Variants in INSR observed in about 807,000 individuals in gnomAD.
The protein encoded by INSR is IR.
INSR carries 67 observed loss-of-function variants against 142.6 expected under a neutral mutation model. The ratio of observed to expected loss-of-function variants is 0.47; its 90% confidence interval spans 0.39 to 0.58. INSR has a LOEUF of 0.58. Among genes scored for constraint, INSR ranks in the 20% least tolerant of loss-of-function variants. The pLI is 0.00. For missense variants in INSR, 1,248 were observed against 1,833.2 expected (o/e 0.68, Z 5.83); for synonymous variants, 756 against 743.1 (o/e 1.02, Z -0.28).
chr19:7,256,421 C>A (rs968945155), intron 2 of INSR, among the ~76,000 whole-genome samples: 18 of 152,004 alleles, frequency 1.2e-4, no homozygotes, highest in Non-Finnish European at 2.9e-5. Context: ...TGCACTTCAG[C>A]CTGGGCAACA....
intron 2 of INSR, among the ~76,000 whole-genome samples, chr19:7,228,059 C>T (rs1975844913): frequency 6.6e-6 from 1 of 152,118 alleles, no homozygotes; most frequent in African/African-American, 2.4e-5. Flanking sequence ...CCAGAGGGCC[C>T]CCATGGGTCC....
intron 1 of INSR, among the ~76,000 whole-genome samples, chr19:7,268,201 C>T (rs1014096944): frequency 2.0e-5 from 3 of 152,024 alleles, no homozygotes; most frequent in African/African-American, 7.2e-5. Context: ...TTGAGTAACG[C>T]GGCAGGTGCA....
In INSR at chr19:7,239,439, G is replaced by C. The variant is rs551278625; in HGVS notation, c.652+27906C>G. Reference sequence around the variant, plus strand: ...ATAGGATACCAATTTCCATGCACTGGAATTAACATAATTTTCCTGCAGCCT... The same window carrying C: ...ATAGGATACCAATTTCCATGCACTGCAATTAACATAATTTTCCTGCAGCCT... On this transcript the variant is annotated intron_variant, in intron 2 of 21. Coordinates refer to ENST00000302850, the MANE Select transcript of INSR (RefSeq NM_000208.4). Among the ~76,000 whole-genome samples the C allele has an allele frequency of 9.9e-5, 15 of 152,194 alleles. No individual in the cohort carries two copies. The South Asian group carries it at 1.0e-3, about 11-fold the overall frequency.
At chr19:7,172,507 G>T in intron 4 of INSR, 73 bp from the exon 5 acceptor site, 1 of 1,518,108 alleles carries the variant, frequency 6.6e-7, no homozygotes, top group Non-Finnish European at 9.1e-7. Context: ...TCCATGGTGA[G>T]AAGATAACCC....
chr19:7,168,226 C>T lies in INSR; in HGVS notation c.1484-132G>A, dbSNP rs1973932321. On this transcript the variant is annotated intron_variant, in intron 6 of 21. Transcript: ENST00000302850. The surrounding 1 kb of genome is among the most constrained non-coding windows in gnomAD (Gnocchi z 4.3). The stretch of plus-strand genomic sequence containing the variant: ...ACGCTGCTATTCCCTTAAGGGTCTC[C>T]TCCCCATGTGCCTGGCTGAGTATGA... 2.2e-6 allele frequency: 2 copies of T among 916,000 alleles called. No individual in the cohort carries two copies. Among genetic ancestry groups the T allele is most frequent in the African/African-American group, 1.7e-5 (1 of 60,446 alleles). The allele number at this position is 916,000 out of a possible 1,614,324, so 56.7% of individuals were successfully genotyped here.
In INSR at chr19:7,125,523, A is replaced by G. The variant is rs775023698; in HGVS notation, c.3018T>C (p.Phe1006=). 5 of 1,613,318 alleles carry G rather than the reference A, an allele frequency of 3.1e-6. No homozygotes were observed. The highest frequency in any genetic ancestry group is 4.2e-6 in the Non-Finnish European group (5 of 1,179,940). ...NPEYLSASDV[F]PCSVYVPDEW... The stretch of plus-strand genomic sequence containing the variant: ...CGTCCGGCACGTACACAGAGCATGG[A>G]AACACTACTTCTTACTTATCTACAC... Residue 1006 remains phenylalanine, a synonymous_variant, in exon 17 of 22, where the codon TTT becomes TTC. Coordinates refer to ENST00000302850, the MANE Select transcript of INSR (RefSeq NM_000208.4). The surrounding 1 kb of genome is among the most constrained non-coding windows in gnomAD (Gnocchi z 4.9).
chr19:7,149,839 G>A (rs1484964374), intron 11 of INSR, among the ~76,000 whole-genome samples: 1 of 150,832 alleles, frequency 6.6e-6, no homozygotes. Context: ...AAAGAAGAAG[G>A]AAAGAAGGAA....
At chr19:7,219,284 T>A (rs1157609819) in intron 2 of INSR, among the ~76,000 whole-genome samples, 1 of 152,118 alleles carries the variant, frequency 6.6e-6, no homozygotes, top group Non-Finnish European at 1.5e-5. Flanking sequence ...CACTGGCCTC[T>A]GAAGCTCCGG....
At chr19:7,181,944 A>C (rs543300910) in intron 3 of INSR, among the ~76,000 whole-genome samples, 80 of 152,222 alleles carry the variant, frequency 5.3e-4, no homozygotes, top group African/African-American at 1.9e-3. Flanking sequence ...CTTCCCAGAT[A>C]AGCCACCAGA....
intron 3 of INSR, 128 bp from the exon 4 acceptor site, chr19:7,174,859 G>T: frequency 3.1e-6 from 3 of 956,978 alleles, no homozygotes; most frequent in Non-Finnish European, 3.1e-6. Context: ...GTGTGTGTTT[G>T]TGTGACAGAG....
chr19:7,168,173 C>G lies in INSR; in HGVS notation c.1484-79G>C. Reference sequence around the variant, plus strand: ...CCAAAGCCTGGGACCCCCACACTTCCTGGAGGGACCGTGAGAAGGCAGAGG... The same window carrying G: ...CCAAAGCCTGGGACCCCCACACTTCGTGGAGGGACCGTGAGAAGGCAGAGG... On this transcript the variant is annotated intron_variant, in intron 6 of 21. Coordinates refer to ENST00000302850, the MANE Select transcript of INSR (RefSeq NM_000208.4). The surrounding 1 kb of genome is among the most constrained non-coding windows in gnomAD (Gnocchi z 4.3). 1 of 1,449,224 alleles carries G rather than the reference C, an allele frequency of 6.9e-7. No homozygotes were observed. The highest frequency in any genetic ancestry group is 1.2e-5 in the South Asian group (1 of 86,394). The allele number at this position is 1,449,224 out of a possible 1,614,324, so 89.8% of individuals were successfully genotyped here. A position where few individuals can be genotyped will look rare whatever the true frequency, so the allele number is the denominator to read the frequency against.
intron 9 of INSR, among the ~76,000 whole-genome samples, chr19:7,161,535 C>T (rs1338618234): frequency 1.3e-5 from 2 of 152,130 alleles, no homozygotes; most frequent in African/African-American, 2.4e-5. Context: ...CAGGCATGAG[C>T]GCCAAGCCTG....
chr19:7,197,196 G>A (rs1974772978), intron 2 of INSR, among the ~76,000 whole-genome samples: 1 of 152,256 alleles, frequency 6.6e-6, no homozygotes, highest in Non-Finnish European at 1.5e-5. Context: ...CACACGCGAT[G>A]ACGCCTTTGG....
intron 2 of INSR, among the ~76,000 whole-genome samples, chr19:7,202,554 C>T (rs946330233): frequency 1.3e-5 from 2 of 152,010 alleles, no homozygotes; most frequent in Non-Finnish European, 2.9e-5. Context: ...TAGAAGAGTC[C>T]AATGGCACCA....
chr19:7,235,198 C>T (rs1976119662), intron 2 of INSR, among the ~76,000 whole-genome samples: 1 of 152,122 alleles, frequency 6.6e-6, no homozygotes, highest in South Asian at 2.1e-4. Flanking sequence ...ATCTGCTTAA[C>T]TACAAACTCA....
intron 2 of INSR, among the ~76,000 whole-genome samples, chr19:7,233,901 C>T (rs893332447): frequency 6.6e-6 from 1 of 151,650 alleles, no homozygotes; most frequent in East Asian, 1.9e-4. Context: ...TGGTCTCGAT[C>T]TCCTGATCTC....
At position 7,152,854 on chromosome 19, in the gene INSR, C is replaced by T. The variant is rs747252128; in HGVS notation, c.2103G>A (p.Glu701=). The stretch of plus-strand genomic sequence containing the variant: ...AGCATTCGCCGGCCGAATCCTCATA[C>T]TCACTCTGGTTGTGCTTCTGAGAAT... ...SEDSQKHNQS[E]YEDSAGECCS... The change falls in exon 10 of 22, where the codon GAG becomes GAA. Residue 701 remains glutamate (E), a synonymous_variant. Transcript: ENST00000302850. 1.2e-6 allele frequency: 2 copies of T among 1,613,428 alleles called. No homozygotes were observed. Among genetic ancestry groups the T allele is most frequent in the Admixed American group, 1.7e-5 (1 of 59,976 alleles).
chr19:7,146,302 CGCAACCTCGGTTCACT>C (rs2144870766), intron 11 of INSR, among the ~76,000 whole-genome samples: 2 of 139,096 alleles, frequency 1.4e-5, no homozygotes, highest in Non-Finnish European at 3.0e-5. Context: ...TGTGCAATGG[CGCAACCTCGGTTCACT>C]GCAACCTCTG....
At chr19:7,217,849 G>A (rs1021940822) in intron 2 of INSR, among the ~76,000 whole-genome samples, 7 of 152,242 alleles carry the variant, frequency 4.6e-5, no homozygotes, top group Non-Finnish European at 7.3e-5. Context: ...GTAAGCCACC[G>A]CACCCGGCCT....
Sources: allele counts gnomAD v4.1 joint callset (sites outside exome capture counted in the v4.1 genomes callset), GRCh38; gene constraint gnomAD v4.1.1; non-coding constraint Gnocchi (gnomAD v3.1); transcripts MANE v1.5; gene names NCBI Gene and HGNC (gene_info 2026-07-23, HGNC 2026-07-21).